ESD: variants seen among roughly 807,000 people sequenced by gnomAD.
ESD encodes the protein S-formylglutathione hydrolase.
ESD carries 34 observed loss-of-function variants against 38.1 expected under a neutral mutation model. The observed-to-expected ratio is 0.89, with a 90% confidence interval of 0.68 to 1.19. ESD has a LOEUF of 1.19. Among genes scored for constraint, ESD ranks in the 50% most tolerant of loss-of-function variants. ESD has a pLI of 0.00. For synonymous variants in ESD, 97 were observed against 107.0 expected (o/e 0.91, Z 0.58); for missense variants, 334 against 327.2 (o/e 1.02, Z -0.16).
At position 46,775,800 on chromosome 13, in the gene ESD, C is replaced by T. The variant is rs1206349131; in HGVS notation, c.768+1656G>A. The T allele has an allele frequency of 1.0e-5, 4 of 389,916 alleles. No homozygotes were observed. In the East Asian group the frequency reaches 2.4e-4, roughly 23 times the overall value. The allele number at this position is 389,916 out of a possible 1,614,324, so 24.2% of individuals were successfully genotyped here. On this transcript the variant is annotated intron_variant, in intron 9 of 9. Transcript: ENST00000378720. ...AGAATTGAATGGTTTGTCTTGACTCCTCATTAAGTATAGCCAACTATGTGT... is the reference window on the plus strand; with the variant it reads ...AGAATTGAATGGTTTGTCTTGACTCTTCATTAAGTATAGCCAACTATGTGT...
At chr13:46,778,906 T>C (rs1327750735) in intron 8 of ESD, among the ~76,000 whole-genome samples, 2 of 151,828 alleles carry the variant, frequency 1.3e-5, no homozygotes, top group African/African-American at 4.8e-5. Context: ...ATTTCAATAA[T>C]CATCCTTACA....
chr13:46,775,837 G>A (rs1328990738), intron 9 of ESD: 2 of 292,658 alleles, frequency 6.8e-6, no homozygotes, highest in Admixed American at 4.9e-5. Flanking sequence ...CTAGTTGCTT[G>A]GGATACAGGC....
At chr13:46,773,426 T>C (rs1427615040) in intron 9 of ESD, among the ~76,000 whole-genome samples, 1 of 152,186 alleles carries the variant, frequency 6.6e-6, no homozygotes. Context: ...AAATACAAGG[T>C]TGAATAAACC....
At chr13:46,773,915 T>C (rs1448967443) in intron 9 of ESD, among the ~76,000 whole-genome samples, 1 of 152,200 alleles carries the variant, frequency 6.6e-6, no homozygotes, top group Non-Finnish European at 1.5e-5. Context: ...ATATAATTCT[T>C]GAATTGTTAA....
chr13:46,790,006 A>ATTT (rs35006774), intron 3 of ESD, among the ~76,000 whole-genome samples: 5 of 132,376 alleles, frequency 3.8e-5, no homozygotes, highest in East Asian at 4.3e-4. Flanking sequence ...ATATATATAT[A>ATTT]TATTTTTTTT....
chr13:46,774,776 A>G (rs1042150685), intron 9 of ESD, among the ~76,000 whole-genome samples: 3 of 152,170 alleles, frequency 2.0e-5, no homozygotes, highest in Non-Finnish European at 4.4e-5. Flanking sequence ...TCTTCAGTGT[A>G]TAAGGAGGAA....
chr13:46,797,369 C>T (rs1477857311), upstream of ESD: 1 of 152,494 alleles, frequency 6.6e-6, no homozygotes. Flanking sequence ...TGTGTGGTTA[C>T]TAGGACCAAC....
chr13:46,775,260 C>T (rs1244610480), intron 9 of ESD: 4 of 151,740 alleles, frequency 2.6e-5, no homozygotes, highest in Non-Finnish European at 5.9e-5. Flanking sequence ...TAAATATCCC[C>T]GATGCACTAA....
rs1276117496 is a variant in ESD at position 46,784,341 on chromosome 13, C to T, written c.167G>A (p.Cys56Tyr). 1 of 1,606,768 alleles carries T rather than the reference C, an allele frequency of 6.2e-7. No homozygotes were observed. Among genetic ancestry groups the T allele is most frequent in the Admixed American group, 1.7e-5 (1 of 59,734 alleles). Residue 56 changes from cysteine to tyrosine, a missense_variant, in exon 5 of 10, where the codon TGC (cysteine) becomes TAC (tyrosine). Cys to Tyr is a radical substitution (Grantham distance 194, BLOSUM62 -2). Coordinates refer to ENST00000378720, the MANE Select transcript of ESD (RefSeq NM_001984.2). ...TTTTGATATAAAATTTTGCTCTGTGCAAGTTAAACCTGAAGATAAAAAATA... is the reference window on the plus strand; with the variant it reads ...TTTTGATATAAAATTTTGCTCTGTGTAAGTTAAACCTGAAGATAAAAAATA... The part of the protein sequence containing the change: ...PALYWLSGLT[C>Y]TEQNFISKSG...
chr13:46,774,572 T>C (rs1874721297), intron 9 of ESD, among the ~76,000 whole-genome samples: 1 of 152,178 alleles, frequency 6.6e-6, no homozygotes, highest in Non-Finnish European at 1.5e-5. Context: ...AAATCCTTGG[T>C]AGCAAAACTC....
chr13:46,794,419 A>G (rs1875506838), intron 1 of ESD, among the ~76,000 whole-genome samples: 1 of 152,066 alleles, frequency 6.6e-6, no homozygotes, highest in Non-Finnish European at 1.5e-5. Flanking sequence ...AGTGTAACCT[A>G]GAACTCCAAG....
At chr13:46,775,577 A>C (rs1334632495) in intron 9 of ESD, 4 of 453,742 alleles carry the variant, frequency 8.8e-6, no homozygotes, top group Non-Finnish European at 9.0e-6. Flanking sequence ...AGAAAATCTG[A>C]AAGCAGACTC....
chr13:46,783,447 C>T (rs1875082287), intron 5 of ESD, among the ~76,000 whole-genome samples: 1 of 151,990 alleles, frequency 6.6e-6, no homozygotes, highest in Non-Finnish European at 1.5e-5. Context: ...AATTTGGAGA[C>T]ATGACCTTGT....
chr13:46,777,605 G>A lies in ESD; in HGVS notation c.619C>T (p.Leu207Phe). 6.2e-7 allele frequency: 1 copy of A among 1,605,406 alleles called. No individual in the cohort carries two copies. The highest frequency in any genetic ancestry group is 8.5e-7 in the Non-Finnish European group (1 of 1,175,684). ...SKWKAYDATH[L>F]VKSYPGSQLD... ...TGAGATCCTGGATAGGATTTCACAA[G>A]GTGGGTAGCATCATAAGCCTGTAAA... Residue 207 changes from leucine (L) to phenylalanine (F), a missense_variant, in exon 9 of 10, where the codon CTT becomes TTT. Physicochemically the swap from Leu to Phe is conservative, Grantham distance 22. Transcript: ENST00000378720.
chr13:46,789,776 A>G (rs1202298776), intron 3 of ESD, among the ~76,000 whole-genome samples: 1 of 151,890 alleles, frequency 6.6e-6, no homozygotes, highest in East Asian at 1.9e-4. Context: ...TTCTACTACC[A>G]AAATTTAAAT....
rs781310311 is a variant in ESD, at chr13:46,784,358, T to C, written c.158-8A>G. 4 of 1,579,986 alleles carry C rather than the reference T, an allele frequency of 2.5e-6. No individual in the cohort carries two copies. The highest frequency in any genetic ancestry group is 2.2e-5 in the South Asian group (2 of 90,282). ...GCTCTGTGCAAGTTAAACCTGAAGA[T>C]AAAAAATATTGTTATTGGGCACACA... On this transcript the variant is annotated splice_region_variant and splice_polypyrimidine_tract_variant and intron_variant, in intron 4 of 9. Coordinates refer to ENST00000378720, the MANE Select transcript of ESD (RefSeq NM_001984.2).
chr13:46,785,625 C>T (rs540044929), intron 4 of ESD: 12 of 152,092 alleles, frequency 7.9e-5, no homozygotes, highest in East Asian at 1.9e-4. Context: ...CCATTTCTCA[C>T]GTGCACTGGT....
chr13:46,779,982 T>C lies in ESD; in HGVS notation c.553A>G (p.Lys185Glu). Residue 185 changes from lysine to glutamate, a missense_variant, in exon 8 of 10, where the codon AAA (lysine) becomes GAA (glutamate). By Grantham distance (56) the Lys-to-Glu change is moderately conservative (BLOSUM62 1). Coordinates refer to ENST00000378720, the MANE Select transcript of ESD (RefSeq NM_001984.2). ...CCCAAATATCCACTAAAGGCTTTTT[T>C]GCCCCAGGGACAGAGTACAGGGTTG... ...ICNPVLCPWG[K>E]KAFSGYLGTD... 2 of 1,606,212 alleles carry C rather than the reference T, an allele frequency of 1.2e-6. No homozygotes were observed. Among genetic ancestry groups the C allele is most frequent in the East Asian group, 2.2e-5 (1 of 44,580 alleles).
At chr13:46,788,508 C>A (rs1287211237) in intron 3 of ESD, among the ~76,000 whole-genome samples, 1 of 151,832 alleles carries the variant, frequency 6.6e-6, no homozygotes, top group African/African-American at 2.4e-5. Context: ...ATGGTTGGTG[C>A]CTTAAGACCT....
Sources: allele counts gnomAD v4.1 joint callset (sites outside exome capture counted in the v4.1 genomes callset), GRCh38; gene constraint gnomAD v4.1.1; transcripts MANE v1.5; gene names NCBI Gene and HGNC (gene_info 2026-07-23, HGNC 2026-07-21).